Variants in PDE8A observed in about 807,000 individuals in gnomAD.
The protein encoded by PDE8A is high affinity cAMP-specific and IBMX-insensitive 3',5'-cyclic phosphodiesterase 8A.
In PDE8A, 59 loss-of-function variants were observed where a neutral mutation model predicts 105.0. That is an observed-to-expected ratio of 0.56 (90% CI 0.46 to 0.70). The LOEUF (loss-of-function observed/expected upper bound fraction) is 0.70, where lower values mean the gene tolerates loss of function less well. Among genes scored for constraint, PDE8A ranks in the 30% least tolerant of loss-of-function variants. The pLI, the probability that PDE8A is intolerant of heterozygous loss-of-function variation, is 0.00. For synonymous variants in PDE8A, 355 were observed against 371.9 expected, an observed-to-expected ratio of 0.95 and a Z score of 0.52; for missense variants, 1,014 against 1,045.9, an observed-to-expected ratio of 0.97 and a Z score of 0.42.
intron 1 of PDE8A, chr15:85,063,970 A>G (rs1741685044): frequency 6.2e-6 from 1 of 160,448 alleles, no homozygotes; most frequent in Non-Finnish European, 1.4e-5. Flanking sequence ...GTCCATCAGG[A>G]AAAAAATGGA....
chr15:85,084,441 G>C (rs1468903841), intron 6 of PDE8A, among the ~76,000 whole-genome samples: 1 of 152,238 alleles, frequency 6.6e-6, no homozygotes, highest in Admixed American at 6.5e-5. Context: ...GAAGGCTGGT[G>C]TGGTATACAA....
upstream of PDE8A, among the ~76,000 whole-genome samples, chr15:84,981,052 C>T (rs969876003): frequency 1.3e-5 from 2 of 152,222 alleles, no homozygotes; most frequent in Admixed American, 6.5e-5. Context: ...TTCCACCGGC[C>T]TCTTTTCTGG....
At chr15:85,015,158 T>C (rs921579072) in intron 1 of PDE8A, among the ~76,000 whole-genome samples, 1 of 152,232 alleles carries the variant, frequency 6.6e-6, no homozygotes, top group African/African-American at 2.4e-5. Context: ...TTGATCTGTC[T>C]ATACCTTAGC....
At chr15:85,071,685 C>T (rs907791940) in intron 3 of PDE8A, among the ~76,000 whole-genome samples, 2 of 152,170 alleles carry the variant, frequency 1.3e-5, no homozygotes, top group Admixed American at 6.5e-5. Flanking sequence ...AAGAGGAGGA[C>T]AGCTGCTGAC....
At chr15:85,117,309 G>A (rs1288918268) in intron 16 of PDE8A, among the ~76,000 whole-genome samples, 1 of 152,198 alleles carries the variant, frequency 6.6e-6, no homozygotes. Context: ...CTGGAGAAAG[G>A]GTTATTTTGA....
chr15:85,078,813 T>G (rs2081420267), intron 5 of PDE8A, among the ~76,000 whole-genome samples: 1 of 152,170 alleles, frequency 6.6e-6, no homozygotes, highest in African/African-American at 2.4e-5. Flanking sequence ...AATACATATT[T>G]ACTGTATGAA....
intron 1 of PDE8A, among the ~76,000 whole-genome samples, chr15:84,993,442 CAAA>C (rs11362736): frequency 6.8e-5 from 5 of 73,114 alleles, no homozygotes; most frequent in African/African-American, 5.3e-5. Context: ...GACTCCATCT[CAAA>C]AAAAAAAAAA....
At chr15:85,046,759 A>G (rs1338443296) in intron 1 of PDE8A, among the ~76,000 whole-genome samples, 2 of 152,168 alleles carry the variant, frequency 1.3e-5, no homozygotes, top group African/African-American at 4.8e-5. Flanking sequence ...GGAATTATAT[A>G]TCTATTTTCT....
intron 20 of PDE8A, among the ~76,000 whole-genome samples, chr15:85,132,435 C>T (rs1210588582): frequency 6.6e-6 from 1 of 152,054 alleles, no homozygotes; most frequent in Non-Finnish European, 1.5e-5. Context: ...TACTGAACCC[C>T]TCTGGTGAAG....
rs531128199 is a variant in PDE8A, at chr15:85,060,733, C to T, written c.187-3637C>T. Among the ~76,000 whole-genome samples, 3 of 152,252 alleles carry T rather than the reference C, an allele frequency of 2.0e-5. No individual in the cohort carries two copies. In the South Asian group the frequency reaches 6.2e-4, roughly 32 times the overall value. On this transcript the variant is annotated intron_variant, in intron 1 of 21. Coordinates refer to ENST00000394553, the MANE Select transcript of PDE8A (RefSeq NM_002605.3). ...AAAATGTAGTTACCCACAAAAGTTA[C>T]AATAATACTTCCTTTTAGACCAATG...
At chr15:85,101,897 G>C (rs1047241358) in intron 11 of PDE8A, among the ~76,000 whole-genome samples, 1 of 152,188 alleles carries the variant, frequency 6.6e-6, no homozygotes, top group Non-Finnish European at 1.5e-5. Context: ...GTGAGGTCCT[G>C]GTGGGCAGTC....
chr15:85,131,957 G>A (rs2082335659), intron 20 of PDE8A, among the ~76,000 whole-genome samples: 1 of 151,926 alleles, frequency 6.6e-6, no homozygotes, highest in Admixed American at 6.5e-5. Flanking sequence ...GAAATGAGCA[G>A]ATCATCTTAT....
intron 6 of PDE8A, among the ~76,000 whole-genome samples, chr15:85,085,439 C>G (rs1279847793): frequency 6.6e-6 from 1 of 152,188 alleles, no homozygotes. Context: ...GTGGCTCATG[C>G]CTGTAATCCC....
chr15:85,045,458 C>G (rs2080872637), intron 1 of PDE8A, among the ~76,000 whole-genome samples: 1 of 152,196 alleles, frequency 6.6e-6, no homozygotes, highest in Admixed American at 6.5e-5. Context: ...CTACTGCTTA[C>G]CAACTATTTG....
At chr15:85,039,769 A>C (rs776237158) in intron 1 of PDE8A, among the ~76,000 whole-genome samples, 5 of 152,264 alleles carry the variant, frequency 3.3e-5, no homozygotes, top group Non-Finnish European at 5.9e-5. Context: ...GTGGAATACT[A>C]TTCAGCCTGT....
chr15:84,994,702 C>T (rs2079946930), intron 1 of PDE8A, among the ~76,000 whole-genome samples: 3 of 152,198 alleles, frequency 2.0e-5, no homozygotes, highest in African/African-American at 4.8e-5. Context: ...AGCGGTGGCT[C>T]ACGCCTGTAA....
At position 85,064,217 on chromosome 15, in the gene PDE8A, T is replaced by G. The variant is rs74024794; in HGVS notation, c.187-153T>G. 2.3e-3 allele frequency: 1,267 copies of G among 561,058 alleles called. 6 individuals carry two copies. The highest frequency in any genetic ancestry group is 0.017 in the African/African-American group (873 of 52,638). The allele number at this position is 561,058 out of a possible 1,614,324, so 34.8% of individuals were successfully genotyped here. A position where few individuals can be genotyped will look rare whatever the true frequency, so the allele number is the denominator to read the frequency against. On this transcript the variant is annotated intron_variant, in intron 1 of 21. Transcript: ENST00000394553. ...GGGGGCTATAAGGAGATCCTTAGGA[T>G]TCCTCATAATCATTTCATTTATCTA...
At chr15:85,059,901 G>A (rs563954346) in intron 1 of PDE8A, among the ~76,000 whole-genome samples, 1 of 152,234 alleles carries the variant, frequency 6.6e-6, no homozygotes, top group African/African-American at 2.4e-5. Context: ...TCAGCTACTC[G>A]GGAGACTGAA....
intron 6 of PDE8A, among the ~76,000 whole-genome samples, chr15:85,085,200 A>G (rs746404505): frequency 7.2e-5 from 11 of 152,140 alleles, no homozygotes; most frequent in Non-Finnish European, 1.6e-4. Context: ...CTCATCTCCC[A>G]TCATGCCCTG....
Sources: allele counts gnomAD v4.1 joint callset (sites outside exome capture counted in the v4.1 genomes callset), GRCh38; gene constraint gnomAD v4.1.1; transcripts MANE v1.5; gene names NCBI Gene and HGNC (gene_info 2026-07-23, HGNC 2026-07-21).